Variants in RAB28 observed in about 807,000 individuals in gnomAD.
RAB28 encodes the protein ras-related protein Rab-28.
Under a neutral mutation model 31.7 loss-of-function variants are expected in RAB28, and 24 were observed. That is an observed-to-expected ratio of 0.76 (90% confidence interval 0.55 to 1.06). The LOEUF (loss-of-function observed/expected upper bound fraction) is 1.06, where lower values mean the gene tolerates loss of function less well. Among genes scored for constraint, RAB28 ranks in the 50% least tolerant of loss-of-function variants. RAB28 has a pLI of 0.00. For synonymous variants in RAB28, 100 were observed against 90.4 expected (o/e 1.11, Z -0.60); for missense variants, 254 against 258.5 (o/e 0.98, Z 0.12).
intron 4 of RAB28, among the ~76,000 whole-genome samples, chr4:13,388,696 G>A (rs1320698312): frequency 1.3e-5 from 2 of 151,796 alleles, no homozygotes; most frequent in African/African-American, 2.4e-5. Context: ...TTACAAATAA[G>A]CAAAAGGCTT....
chr4:13,370,996 G>A, intron 6 of RAB28: 1 of 983,736 alleles, frequency 1.0e-6, no homozygotes, highest in South Asian at 4.7e-5. Context: ...CCATGTGATT[G>A]CAAATAACTT....
intron 4 of RAB28, among the ~76,000 whole-genome samples, chr4:13,457,749 T>C (rs931486781): frequency 1.2e-4 from 19 of 152,176 alleles, no homozygotes; most frequent in African/African-American, 2.9e-4. Context: ...TCCAGTCCAA[T>C]AGCCCATCTA....
intron 6 of RAB28, among the ~76,000 whole-genome samples, chr4:13,376,113 G>C (rs1728912445): frequency 6.6e-6 from 1 of 151,792 alleles, no homozygotes; most frequent in African/African-American, 2.4e-5. Context: ...TAGGAATAGT[G>C]AAAAAACATA....
intron 4 of RAB28, among the ~76,000 whole-genome samples, chr4:13,408,372 G>A (rs371597801): frequency 3.4e-4 from 52 of 152,228 alleles, no homozygotes; most frequent in Admixed American, 2.5e-3. Context: ...CAACTTGATC[G>A]TGGTGGGTAA....
At chr4:13,469,158 G>T (rs1171118872) in intron 3 of RAB28, among the ~76,000 whole-genome samples, 1 of 151,894 alleles carries the variant, frequency 6.6e-6, no homozygotes, top group East Asian at 1.9e-4. Flanking sequence ...AAAACTACTG[G>T]AATCTTCCAA....
intron 4 of RAB28, among the ~76,000 whole-genome samples, chr4:13,390,034 C>T (rs1360117648): frequency 6.6e-6 from 1 of 152,144 alleles, no homozygotes; most frequent in African/African-American, 2.4e-5. Flanking sequence ...TCCTATTCAA[C>T]ATAGTGTTGG....
rs200618762 is a variant in RAB28, at chr4:13,479,557, T to C, written c.76-31A>G. The C allele has an allele frequency of 1.9e-3, 2,562 of 1,350,496 alleles. 7 individuals are homozygous for C. Among genetic ancestry groups the C allele is most frequent in the Non-Finnish European group, 2.5e-3 (2,346 of 950,992 alleles). The allele number at this position is 1,350,496 out of a possible 1,614,324, so 83.7% of individuals were successfully genotyped here. ...AAATTGATGCACAGAATGTCAAAAT[T>C]AATTCATTAAAGAAATGTAATCATA... On this transcript the variant is annotated intron_variant, in intron 1 of 6. Transcript: ENST00000330852.
chr4:13,401,996 T>A (rs1281550072), intron 4 of RAB28, among the ~76,000 whole-genome samples: 1 of 152,248 alleles, frequency 6.6e-6, no homozygotes. Context: ...TCAATGTATT[T>A]CCTCTTTGGC....
chr4:13,399,599 T>G (rs1711630427), intron 4 of RAB28, among the ~76,000 whole-genome samples: 1 of 152,226 alleles, frequency 6.6e-6, no homozygotes, highest in Admixed American at 6.5e-5. Context: ...TCACTTGCTT[T>G]TCTTAGTCTT....
chr4:13,478,196 G>C (rs900475693), intron 2 of RAB28, among the ~76,000 whole-genome samples: 1 of 151,596 alleles, frequency 6.6e-6, no homozygotes, highest in South Asian at 2.1e-4. Flanking sequence ...TTATCCGTAA[G>C]AGTGAGAATA....
intron 4 of RAB28, among the ~76,000 whole-genome samples, chr4:13,403,279 G>A (rs73229658): frequency 0.093 from 14,130 of 152,114 alleles, 1,278 homozygotes; most frequent in African/African-American, 0.24. Flanking sequence ...CATTTTTCCT[G>A]TGATTAAAAG....
intron 4 of RAB28, among the ~76,000 whole-genome samples, chr4:13,442,258 G>T (rs1164295798): frequency 6.6e-6 from 1 of 152,084 alleles, no homozygotes; most frequent in Non-Finnish European, 1.5e-5. Context: ...GAAGAGCTAA[G>T]TATGAAGGAC....
At chr4:13,480,109 A>G (rs1716543862) in intron 1 of RAB28, among the ~76,000 whole-genome samples, 1 of 151,786 alleles carries the variant, frequency 6.6e-6, no homozygotes, top group Non-Finnish European at 1.5e-5. Flanking sequence ...CGTATTTTTA[A>G]GATTAATATA....
rs557683711 is a variant in RAB28 at position 13,415,345 on chromosome 4, C to A, written c.392-33751G>T. 3.1e-3 allele frequency among the ~76,000 whole-genome samples: 477 copies of A among 152,322 alleles called. 5 individuals carry two copies. The highest frequency in any genetic ancestry group is 5.3e-3 in the Non-Finnish European group (363 of 68,024). ...CGCCGCTGGGCTGTTGGAGCCCCTTCCTGGGCTGGCTGAGGCCGGAGCCGG... is the reference window on the plus strand; with the variant it reads ...CGCCGCTGGGCTGTTGGAGCCCCTTACTGGGCTGGCTGAGGCCGGAGCCGG... On this transcript the variant is annotated intron_variant, in intron 4 of 6. Transcript: ENST00000330852.
Position 13,367,901 on chromosome 4 carries a change from C to A in RAB28, c.*657G>T. On this transcript the variant is annotated 3_prime_UTR_variant, in exon 7 of 7. Transcript: ENST00000330852. ...AAAGCCTTCAAACCTGAGTATTACA[C>A]AATACATAACGACAACGATACAGTA... The A allele has an allele frequency of 2.0e-6, 2 of 983,500 alleles. No homozygotes were observed. Among genetic ancestry groups the A allele is most frequent in the Non-Finnish European group, 2.4e-6 (2 of 828,368 alleles). 60.9% of individuals were successfully genotyped at this position (983,500 alleles called of 1,614,324 possible). A position where few individuals can be genotyped will look rare whatever the true frequency, so the allele number is the denominator to read the frequency against.
At chr4:13,458,463 G>C (rs978686041) in intron 4 of RAB28, among the ~76,000 whole-genome samples, 3 of 151,936 alleles carry the variant, frequency 2.0e-5, no homozygotes, top group African/African-American at 7.3e-5. Context: ...TAATTCTCTT[G>C]GTAATGTATG....
intron 6 of RAB28, 110 bp from the exon 7 acceptor site, chr4:13,368,760 C>T (rs1318454196): frequency 5.0e-6 from 4 of 795,158 alleles, no homozygotes; most frequent in African/African-American, 3.7e-5. Flanking sequence ...ATGATGGACA[C>T]CATAAATGAA....
chr4:13,450,175 C>T (rs1052768270), intron 4 of RAB28, among the ~76,000 whole-genome samples: 1 of 151,700 alleles, frequency 6.6e-6, no homozygotes, highest in Admixed American at 6.6e-5. Context: ...GATTTTTTAA[C>T]TAAACACAAA....
intron 3 of RAB28, among the ~76,000 whole-genome samples, chr4:13,467,199 T>C (rs1223152790): frequency 6.6e-6 from 1 of 151,950 alleles, no homozygotes; most frequent in Non-Finnish European, 1.5e-5. Flanking sequence ...AAGTTATAAG[T>C]ACTTGAGATA....
Sources: allele counts gnomAD v4.1 joint callset (sites outside exome capture counted in the v4.1 genomes callset), GRCh38; gene constraint gnomAD v4.1.1; transcripts MANE v1.5; gene names NCBI Gene and HGNC (gene_info 2026-07-23, HGNC 2026-07-21).